Variants in AQP7B observed in about 807,000 individuals in gnomAD.
The protein encoded by AQP7B is aquaporin 7B.
At chr2:94,604,361 C>G in the AQP7B span, 1 of 1,611,352 alleles carries the variant, frequency 6.2e-7, no homozygotes, top group Non-Finnish European at 8.5e-7. Flanking sequence ...CATCATCTAC[C>G]TGGTCTTCAT....
chr2:94,600,529 C>A, the AQP7B span, among the ~76,000 whole-genome samples: 1 of 152,112 alleles, frequency 6.6e-6, no homozygotes, highest in African/African-American at 2.4e-5. Context: ...GCCAGGAGCT[C>A]AAGACCAGCC....
the AQP7B span, among the ~76,000 whole-genome samples, chr2:94,593,908 A>G: frequency 6.6e-6 from 1 of 152,056 alleles, no homozygotes; most frequent in African/African-American, 2.4e-5. Context: ...CTTTCCATCT[A>G]ACCATGCACT....
the AQP7B span, among the ~76,000 whole-genome samples, chr2:94,602,775 C>G: frequency 6.6e-6 from 1 of 152,196 alleles, no homozygotes; most frequent in Non-Finnish European, 1.5e-5. Context: ...TATGACTTGT[C>G]TGCCCCAGAT....
the AQP7B span, among the ~76,000 whole-genome samples, chr2:94,601,032 C>T: frequency 6.6e-6 from 1 of 152,148 alleles, no homozygotes; most frequent in African/African-American, 2.4e-5. Flanking sequence ...GGTGATAGAG[C>T]AAAACCCTAT....
At chr2:94,591,190 G>C in the AQP7B span, among the ~76,000 whole-genome samples, 3 of 151,944 alleles carry the variant, frequency 2.0e-5, no homozygotes, top group African/African-American at 7.3e-5. Flanking sequence ...GTGTCTGTAA[G>C]TGAGACCACA....
the AQP7B span, chr2:94,603,956 T>G: frequency 8.6e-7 from 1 of 1,169,056 alleles, no homozygotes; most frequent in South Asian, 1.4e-5. Context: ...GGCCCATTCC[T>G]TTGAGTTTTT....
chr2:94,588,343 C>T, the AQP7B span, among the ~76,000 whole-genome samples: 1 of 151,852 alleles, frequency 6.6e-6, no homozygotes, highest in African/African-American at 2.4e-5. Flanking sequence ...ATTGGCTGAG[C>T]ACCACTCCTC....
At chr2:94,604,597 C>T in the AQP7B span, 1 of 1,537,346 alleles carries the variant, frequency 6.5e-7, no homozygotes, top group Non-Finnish European at 8.8e-7. Flanking sequence ...GTGATCCCAT[C>T]CCTTCCCCAA....
chr2:94,598,409 C>T, the AQP7B span, among the ~76,000 whole-genome samples: 41 of 152,218 alleles, frequency 2.7e-4, no homozygotes, highest in African/African-American at 9.4e-4. Flanking sequence ...GGCTGGGCCA[C>T]ATTCACTGAT....
the AQP7B span, among the ~76,000 whole-genome samples, chr2:94,599,353 C>A: frequency 1.3e-5 from 2 of 152,166 alleles, no homozygotes; most frequent in African/African-American, 4.8e-5. Context: ...TTCTGAGGGA[C>A]CCAGTGGGCC....
the AQP7B span, among the ~76,000 whole-genome samples, chr2:94,598,847 C>T: frequency 1.3e-5 from 2 of 152,172 alleles, no homozygotes; most frequent in African/African-American, 4.8e-5. Context: ...GACCCTGTTG[C>T]CCAGGCTGGA....
At chr2:94,598,578 A>G in the AQP7B span, among the ~76,000 whole-genome samples, 149,284 of 152,332 alleles carry the variant, frequency 0.98, 73,168 homozygotes, top group East Asian at 1. Flanking sequence ...ATCTGTGCAA[A>G]GCTGTATAGC....
the AQP7B span, among the ~76,000 whole-genome samples, chr2:94,587,946 G>A: frequency 6.6e-6 from 1 of 152,046 alleles, no homozygotes; most frequent in African/African-American, 2.4e-5. Flanking sequence ...CAGGGTGAGG[G>A]GACTTCGGGC....
the AQP7B span, chr2:94,602,897 G>C: frequency 1.2e-4 from 127 of 1,041,738 alleles, no homozygotes; most frequent in African/African-American, 1.7e-3. Context: ...CCTGCCTCAC[G>C]GGGTGGTTGT....
At chr2:94,598,423 G>A in the AQP7B span, among the ~76,000 whole-genome samples, 31 of 152,288 alleles carry the variant, frequency 2.0e-4, no homozygotes, top group East Asian at 4.8e-3. Flanking sequence ...CACTGATCAG[G>A]GAGAGGAGGG....
chr2:94,601,011 A>C, the AQP7B span, among the ~76,000 whole-genome samples: 1 of 152,190 alleles, frequency 6.6e-6, no homozygotes. Flanking sequence ...ATGGCACTGC[A>C]CTCCAGCCTG....
chr2:94,603,171 T>C, the AQP7B span: 46 of 1,507,634 alleles, frequency 3.1e-5, 1 homozygote, highest in Middle Eastern at 2.4e-3. Flanking sequence ...CAGTCTCTTC[T>C]ACAGCAAGTG....
the AQP7B span, among the ~76,000 whole-genome samples, chr2:94,601,469 A>G: frequency 5.9e-5 from 9 of 152,326 alleles, no homozygotes; most frequent in Admixed American, 2.0e-4. Context: ...GCATAGCTGA[A>G]ACTGTCTACG....
At chr2:94,588,149 G>A in the AQP7B span, among the ~76,000 whole-genome samples, 1 of 152,090 alleles carries the variant, frequency 6.6e-6, no homozygotes, top group Non-Finnish European at 1.5e-5. Context: ...CAGCAAGAGG[G>A]ATTGAGGTTA....
Sources: gnomAD v4.1 joint callset for allele counts (sites outside exome capture counted in the v4.1 genomes callset) on GRCh38, gnomAD v4.1.1 for gene constraint, MANE v1.5 for transcripts, NCBI Gene and HGNC (gene_info 2026-07-23, HGNC 2026-07-21) for gene names.